Variants in KLHL18 observed in about 807,000 individuals in gnomAD.
The protein encoded by KLHL18 is kelch-like protein 18.
A neutral mutation model predicts 58.5 loss-of-function variants in KLHL18; 38 were observed. That is an observed-to-expected ratio of 0.65 (90% CI 0.50 to 0.85). The LOEUF (loss-of-function observed/expected upper bound fraction) is 0.85. KLHL18 is among the 40% of genes least tolerant of loss of function. KLHL18 has a pLI of 0.00. For synonymous variants in KLHL18, 303 were observed against 301.9 expected (o/e 1.00, Z -0.04); for missense variants, 624 against 778.4 (o/e 0.80, Z 2.36).
rs778576983 is a variant in KLHL18, at chr3:47,333,297, G to A, written c.741G>A (p.Val247=). The A allele has an allele frequency of 1.1e-5, 17 of 1,613,934 alleles. No individual in the cohort carries two copies. Among genetic ancestry groups the A allele is most frequent in the Non-Finnish European group, 1.0e-5 (12 of 1,179,902 alleles). ...ACAGAGTACAGCAGGATGACCTGGT[G>A]CGTTGCTGCCACAAATGCAGGTGAG... ...LSDRVQQDDL[V]RCCHKCRDLV... is the part of the protein sequence containing the mutation. The change falls in exon 5 of 10, where the codon GTG becomes GTA. Residue 247 remains valine, a synonymous_variant. Transcript: ENST00000232766.
intron 8 of KLHL18, among the ~76,000 whole-genome samples, chr3:47,342,487 G>T (rs1704130668): frequency 6.6e-6 from 1 of 152,222 alleles, no homozygotes; most frequent in Non-Finnish European, 1.5e-5. Flanking sequence ...AAGAGGTCTT[G>T]TATGAGACAA....
chr3:47,285,457 C>T (rs114474984), intron 1 of KLHL18, among the ~76,000 whole-genome samples: 2,174 of 152,266 alleles, frequency 0.014, 49 homozygotes, highest in African/African-American at 0.05. Flanking sequence ...TGGCTCACGC[C>T]TATTATCCCA....
chr3:47,284,627 G>A (rs980758173), intron 1 of KLHL18, among the ~76,000 whole-genome samples: 4 of 151,964 alleles, frequency 2.6e-5, no homozygotes, highest in Middle Eastern at 3.4e-3. Context: ...GTGAGTCACC[G>A]CGCCCAGCCT....
Position 47,302,482 on chromosome 3 carries a change from TCAAA to T in KLHL18, c.130-17158_130-17155del, listed in dbSNP as rs775796524. Among the ~76,000 whole-genome samples, 363 of 152,260 alleles carry T rather than the reference TCAAA, an allele frequency of 2.4e-3. 7 individuals are homozygous for T. The highest frequency in any genetic ancestry group is 8.5e-3 in the East Asian group (44 of 5,182). ...CATGGCAACAGAGCGAGACTCTGTC[TCAAA>T]CAAACAAACAAAAAGAAACATAAGG... On this transcript the variant is annotated intron_variant, in intron 1 of 9. Transcript: ENST00000232766.
chr3:47,342,749 T>C lies in KLHL18; in HGVS notation c.1257T>C (p.Asn419=). ...CAGTGGTGACCTCGATGAGCTCGAA[T>C]CGCAGTGCTGCTGGGGTTACAGTCT... ...KWTVVTSMSS[N]RSAAGVTVFE... The change falls in exon 9 of 10, where the codon AAT becomes AAC. Residue 419 remains asparagine, a synonymous_variant. Transcript: ENST00000232766. 6.2e-7 allele frequency: 1 copy of C among 1,614,200 alleles called. No individual in the cohort carries two copies. The highest frequency in any genetic ancestry group is 8.5e-7 in the Non-Finnish European group (1 of 1,180,024).
At chr3:47,315,108 T>C (rs949714496) in intron 1 of KLHL18, among the ~76,000 whole-genome samples, 2 of 152,148 alleles carry the variant, frequency 1.3e-5, no homozygotes, top group Non-Finnish European at 2.9e-5. Context: ...GAAAGACATA[T>C]CAGCAAATGA....
intron 3 of KLHL18, among the ~76,000 whole-genome samples, chr3:47,322,966 C>A (rs867164437): frequency 2.0e-5 from 3 of 152,334 alleles, no homozygotes; most frequent in Middle Eastern, 6.8e-3. Context: ...TGTTCCTCCC[C>A]CTCCGATCTC....
Position 47,342,849 on chromosome 3 carries a change from T to A in KLHL18, c.1338+19T>A, listed in dbSNP as rs1489984419. 1 of 1,548,874 alleles carries A rather than the reference T, an allele frequency of 6.5e-7. No individual in the cohort carries two copies. Among genetic ancestry groups the A allele is most frequent in the African/African-American group, 1.4e-5 (1 of 73,738 alleles). ...CAGCAGTGTGAGTCTGGGCTCCCCC[T>A]GGGATAAGGGTACCTACTTCTGTCT... On this transcript the variant is annotated intron_variant, in intron 9 of 9. Transcript: ENST00000232766.
chr3:47,283,526 G>A (rs1205144262), intron 1 of KLHL18: 4 of 176,168 alleles, frequency 2.3e-5, no homozygotes, highest in African/African-American at 9.5e-5. Flanking sequence ...TAGAAGAGAA[G>A]GCTTCTCCTT....
intron 3 of KLHL18, among the ~76,000 whole-genome samples, chr3:47,324,189 CTA>C (rs1425874187): frequency 1.3e-5 from 2 of 151,558 alleles, no homozygotes; most frequent in African/African-American, 4.8e-5. Context: ...GGAGCACACA[CTA>C]TCTTTCCTGC....
At chr3:47,335,145 T>C (rs569992948) in intron 6 of KLHL18, among the ~76,000 whole-genome samples, 1 of 152,326 alleles carries the variant, frequency 6.6e-6, no homozygotes, top group Admixed American at 6.5e-5. Flanking sequence ...GGTGTTCTGA[T>C]TCCTGAGCCA....
intron 1 of KLHL18, among the ~76,000 whole-genome samples, chr3:47,315,218 G>A (rs2107618801): frequency 6.6e-6 from 1 of 152,270 alleles, no homozygotes; most frequent in Non-Finnish European, 1.5e-5. Context: ...GAAGGAAGAG[G>A]ATTTCTAGTG....
At chr3:47,311,744 T>C (rs116298396) in intron 1 of KLHL18, among the ~76,000 whole-genome samples, 219 of 152,248 alleles carry the variant, frequency 1.4e-3, no homozygotes, top group African/African-American at 5.1e-3. Context: ...TATGAACATA[T>C]AAGTTATCTG....
rs531057940 is a variant in KLHL18, at chr3:47,334,335, G to T, written c.762-348G>T. On this transcript the variant is annotated intron_variant, in intron 5 of 9. Transcript: ENST00000232766. The surrounding 1 kb of genome is among the most constrained non-coding windows in gnomAD (Gnocchi z 4.7). ...ATTGCAGGTTGCAAGCCACGGTGCA[G>T]TCGTAGGGATGGAAAGGAAGGGCTA... Among the ~76,000 whole-genome samples, 7 of 152,274 alleles carry T rather than the reference G, an allele frequency of 4.6e-5. No homozygotes were observed. In the East Asian group the frequency reaches 1.2e-3, roughly 25 times the overall value.
At chr3:47,324,246 C>G (rs1703655545) in intron 3 of KLHL18, among the ~76,000 whole-genome samples, 1 of 134,646 alleles carries the variant, frequency 7.4e-6, no homozygotes, top group Non-Finnish European at 1.6e-5. Flanking sequence ...TAGTTCACCT[C>G]TTTTTCCCAC....
At chr3:47,304,943 G>A (rs1703106811) in intron 1 of KLHL18, among the ~76,000 whole-genome samples, 1 of 151,876 alleles carries the variant, frequency 6.6e-6, no homozygotes, top group Admixed American at 6.6e-5. Context: ...AGGATGGTGT[G>A]AGCCCAGGAG....
At position 47,345,724 on chromosome 3, in the gene KLHL18, G is replaced by A. The variant is rs577989997; in HGVS notation, c.*1783G>A. ...CCTGCTTGGTTTCCTATCCTTTGCT[G>A]CCTGCCTGGGGTGGCCTGGAAGCCT... On this transcript the variant is annotated 3_prime_UTR_variant, in exon 10 of 10. Coordinates refer to ENST00000232766, the MANE Select transcript of KLHL18 (RefSeq NM_025010.5). 6.5e-6 allele frequency: 1 copy of A among 152,722 alleles called. No individual in the cohort carries two copies. The highest frequency in any genetic ancestry group is 6.5e-5 in the Admixed American group (1 of 15,300). The allele number at this position is 152,722 out of a possible 1,614,324, so 9.5% of individuals were successfully genotyped here. A position where few individuals can be genotyped will look rare whatever the true frequency, so the allele number is the denominator to read the frequency against.
intron 1 of KLHL18, among the ~76,000 whole-genome samples, chr3:47,290,161 G>A (rs139133531): frequency 7.6e-4 from 116 of 152,312 alleles, no homozygotes; most frequent in African/African-American, 2.6e-3. Flanking sequence ...CATCCTGTCA[G>A]ATTATTCACC....
intron 2 of KLHL18, 139 bp from the exon 3 acceptor site, chr3:47,322,429 C>T (rs1194706148): frequency 1.2e-5 from 8 of 658,276 alleles, no homozygotes; most frequent in Non-Finnish European, 1.8e-5. Context: ...GAGTTTTAGG[C>T]TGTGGTGAAG....
Sources: gnomAD v4.1 joint callset for allele counts (sites outside exome capture counted in the v4.1 genomes callset) on GRCh38, gnomAD v4.1.1 for gene constraint, Gnocchi (gnomAD v3.1) non-coding constraint, MANE v1.5 for transcripts, NCBI Gene and HGNC (gene_info 2026-07-23, HGNC 2026-07-21) for gene names.